The following KIF6 variants were observed in gnomAD, a reference collection of about 807,000 sequenced individuals.
KIF6 encodes the protein kinesin family member 6.
In KIF6, 106 loss-of-function variants were observed where a neutral mutation model predicts 112.7. The observed-to-expected ratio is 0.94, with a 90% CI of 0.80 to 1.11. KIF6 has a LOEUF of 1.11. Among genes scored for constraint, KIF6 ranks in the 50% least tolerant of loss-of-function variants. The pLI, the probability that KIF6 is intolerant of heterozygous loss-of-function variation, is 0.00. For synonymous variants in KIF6, 339 were observed against 339.9 expected, an observed-to-expected ratio of 1.00 and a Z score of 0.03; for missense variants, 929 against 964.0, an observed-to-expected ratio of 0.96 and a Z score of 0.48.
chr6:39,400,906 A>C (rs866647551), intron 15 of KIF6, among the ~76,000 whole-genome samples: 27 of 152,366 alleles, frequency 1.8e-4, no homozygotes, highest in South Asian at 8.3e-4. Context: ...TGTACCACAG[A>C]AATCACAGGA....
At chr6:39,362,324 C>A in intron 17 of KIF6, 110 bp downstream of exon 17, 1 of 814,948 alleles carries the variant, frequency 1.2e-6, no homozygotes, top group Non-Finnish European at 2.1e-6. Context: ...TTCTAGGATC[C>A]AGCTGCTGGA....
intron 13 of KIF6, among the ~76,000 whole-genome samples, chr6:39,533,534 A>C (rs1195719147): frequency 6.6e-6 from 1 of 152,216 alleles, no homozygotes; most frequent in East Asian, 1.9e-4. Flanking sequence ...GGAGCCCACC[A>C]CAGTTCAAGG....
intron 14 of KIF6, among the ~76,000 whole-genome samples, chr6:39,426,071 A>G (rs1029066883): frequency 6.6e-6 from 1 of 152,202 alleles, no homozygotes; most frequent in African/African-American, 2.4e-5. Context: ...TTTGTTATTG[A>G]ATGGGACTCT....
chr6:39,389,547 G>A (rs1767699006), intron 15 of KIF6, among the ~76,000 whole-genome samples: 1 of 152,124 alleles, frequency 6.6e-6, no homozygotes, highest in Non-Finnish European at 1.5e-5. Flanking sequence ...CAAATAGGTG[G>A]CCCGTGTGCT....
intron 13 of KIF6, among the ~76,000 whole-genome samples, chr6:39,445,932 G>A (rs1377592834): frequency 6.6e-6 from 1 of 152,232 alleles, no homozygotes; most frequent in Non-Finnish European, 1.5e-5. Context: ...CCCTCAACCA[G>A]TTCCCTGTTT....
chr6:39,429,973 C>A (rs936796952), intron 14 of KIF6, among the ~76,000 whole-genome samples: 1 of 152,154 alleles, frequency 6.6e-6, no homozygotes, highest in Non-Finnish European at 1.5e-5. Context: ...TTCTCACTCG[C>A]TCCTCCATGC....
Position 39,345,237 on chromosome 6 carries a change from C to T in KIF6, c.2321+463G>A, listed in dbSNP as rs139130732. 6.5e-3 allele frequency among the ~76,000 whole-genome samples: 983 copies of T among 152,348 alleles called. 6 individuals carry two copies. Among genetic ancestry groups the T allele is most frequent in the Non-Finnish European group, 0.01 (693 of 68,034 alleles). On this transcript the variant is annotated intron_variant, in intron 21 of 22. Transcript: ENST00000287152. The stretch of plus-strand genomic sequence containing the variant: ...CCAGCCGGAAGCACTAAAGCAGAGT[C>T]CAGGCAGGCAGGGCAGAGGCTGTGC...
intron 6 of KIF6, among the ~76,000 whole-genome samples, chr6:39,598,009 T>TACAAA (rs945924282): frequency 2.8e-4 from 43 of 151,820 alleles, no homozygotes; most frequent in Middle Eastern, 6.8e-3. Flanking sequence ...GTACTAAAAA[T>TACAAA]ACAAAACAAA....
intron 3 of KIF6, among the ~76,000 whole-genome samples, chr6:39,705,555 C>T (rs1326211766): frequency 6.6e-6 from 1 of 152,170 alleles, no homozygotes; most frequent in African/African-American, 2.4e-5. Context: ...CTAATAGACA[C>T]CTGACACTAT....
intron 13 of KIF6, among the ~76,000 whole-genome samples, chr6:39,498,556 G>T (rs993068145): frequency 6.6e-6 from 1 of 152,092 alleles, no homozygotes; most frequent in Non-Finnish European, 1.5e-5. Context: ...TGGGCCATAT[G>T]GTCAGTGTTG....
chr6:39,586,753 ATAC>A lies in KIF6; in HGVS notation c.847-352_847-350del, dbSNP rs1321770987. ...ATGCCTGATTACTTCAATTACTTTA[ATAC>A]TACCAAAATTGGGCTGTACACCAGT... On this transcript the variant is annotated intron_variant, in intron 7 of 22. Transcript: ENST00000287152. Among the ~76,000 whole-genome samples the A allele has an allele frequency of 5.3e-5, 8 of 152,300 alleles. No individual in the cohort carries two copies. The East Asian group carries it at 1.4e-3, about 26-fold the overall frequency.
chr6:39,455,667 G>A (rs1459829225), intron 13 of KIF6, among the ~76,000 whole-genome samples: 3 of 149,072 alleles, frequency 2.0e-5, no homozygotes, highest in African/African-American at 7.4e-5. Context: ...ATACAGAGAA[G>A]TGCTTAAAGG....
chr6:39,597,397 CA>C (rs1246304919), intron 6 of KIF6, among the ~76,000 whole-genome samples: 1 of 152,096 alleles, frequency 6.6e-6, no homozygotes, highest in Non-Finnish European at 1.5e-5. Flanking sequence ...CACAAAGCTA[CA>C]GTAATTAGAA....
chr6:39,596,001 G>T, intron 7 of KIF6, 53 bp downstream of exon 7: 1 of 1,367,158 alleles, frequency 7.3e-7, no homozygotes, highest in Non-Finnish European at 1.0e-6. Context: ...CATAGTATGT[G>T]GTCAACACAT....
intron 19 of KIF6, chr6:39,353,788 C>T: frequency 3.4e-6 from 1 of 295,616 alleles, no homozygotes; most frequent in South Asian, 3.5e-5. Flanking sequence ...CCAGTGGCTC[C>T]TTCCCTAGTG....
intron 4 of KIF6, among the ~76,000 whole-genome samples, chr6:39,635,928 G>C (rs568078850): frequency 1.2e-4 from 18 of 152,070 alleles, no homozygotes; most frequent in African/African-American, 4.3e-4. Flanking sequence ...AGGTTGCCAG[G>C]GTGTCAGAGT....
intron 19 of KIF6, among the ~76,000 whole-genome samples, chr6:39,355,958 A>G (rs1032081681): frequency 6.6e-6 from 1 of 151,530 alleles, no homozygotes; most frequent in African/African-American, 2.4e-5. Context: ...ACTAAAGGCC[A>G]TACTTTACTG....
At chr6:39,415,646 A>G (rs1769865074) in intron 15 of KIF6, among the ~76,000 whole-genome samples, 1 of 152,244 alleles carries the variant, frequency 6.6e-6, no homozygotes, top group African/African-American at 2.4e-5. Flanking sequence ...TTACTCCAGG[A>G]TAAGTTACAA....
chr6:39,440,421 G>C (rs145752035), intron 13 of KIF6, among the ~76,000 whole-genome samples: 1 of 152,324 alleles, frequency 6.6e-6, no homozygotes, highest in Non-Finnish European at 1.5e-5. Flanking sequence ...GAGATCAAGT[G>C]TGTTTTTTGT....
Sources: allele counts gnomAD v4.1 joint callset (sites outside exome capture counted in the v4.1 genomes callset), GRCh38; gene constraint gnomAD v4.1.1; transcripts MANE v1.5; gene names NCBI Gene and HGNC (gene_info 2026-07-23, HGNC 2026-07-21).